RHBDD1: variants seen among roughly 807,000 people sequenced by gnomAD.
RHBDD1 encodes the protein rhomboid-related protein 4.
Under a neutral mutation model 36.3 loss-of-function variants are expected in RHBDD1, and 38 were observed. That is an observed-to-expected ratio of 1.05 (90% CI 0.81 to 1.37). The LOEUF (loss-of-function observed/expected upper bound fraction) is 1.37, where lower values mean the gene tolerates loss of function less well. RHBDD1 is among the 40% of genes most tolerant of loss of function. RHBDD1 has a pLI of 0.00. For synonymous variants in RHBDD1, 151 were observed against 136.5 expected, an observed-to-expected ratio of 1.11 and a Z score of -0.74; for missense variants, 393 against 377.6, an observed-to-expected ratio of 1.04 and a Z score of -0.34.
chr2:226,811,415 C>T, the RHBDD1 span, among the ~76,000 whole-genome samples: 1 of 152,226 alleles, frequency 6.6e-6, no homozygotes, highest in South Asian at 2.1e-4. Context: ...GATTCTAGCG[C>T]CTCAGCCTCC....
At chr2:226,965,196 G>A (rs1952529132) in intron 8 of RHBDD1, among the ~76,000 whole-genome samples, 1 of 152,194 alleles carries the variant, frequency 6.6e-6, no homozygotes, top group African/African-American at 2.4e-5. Context: ...AATGAGCCAT[G>A]TGAAGACAGA....
At chr2:226,988,229 G>A in intron 8 of RHBDD1, 1 of 1,039,530 alleles carries the variant, frequency 9.6e-7, no homozygotes, top group Non-Finnish European at 1.4e-6. Flanking sequence ...AGATCAAGAA[G>A]CAAGAGGTTG....
chr2:226,954,704 G>A (rs543179970), intron 8 of RHBDD1, among the ~76,000 whole-genome samples: 23 of 152,104 alleles, frequency 1.5e-4, no homozygotes, highest in Non-Finnish European at 2.8e-4. Flanking sequence ...AAATTTGGAG[G>A]CCATGCTATG....
At chr2:226,865,934 G>A (rs995643333) in intron 4 of RHBDD1, among the ~76,000 whole-genome samples, 3 of 152,180 alleles carry the variant, frequency 2.0e-5, no homozygotes, top group East Asian at 1.9e-4. Context: ...GGATGACTTC[G>A]TTAATAAATG....
chr2:226,808,870 A>G, the RHBDD1 span, among the ~76,000 whole-genome samples: 9 of 152,264 alleles, frequency 5.9e-5, no homozygotes, highest in South Asian at 1.2e-3. Context: ...TAGTGTCAAA[A>G]AAAAAAAAAC....
At chr2:226,947,947 G>A (rs931493707) in intron 8 of RHBDD1, among the ~76,000 whole-genome samples, 1 of 152,132 alleles carries the variant, frequency 6.6e-6, no homozygotes, top group Non-Finnish European at 1.5e-5. Context: ...GGAGAAATAG[G>A]AACACTTTTA....
chr2:226,989,624 G>C (rs955364946), intron 8 of RHBDD1, among the ~76,000 whole-genome samples: 1 of 152,112 alleles, frequency 6.6e-6, no homozygotes, highest in Admixed American at 6.5e-5. Context: ...TTTGGGAGGT[G>C]GGGGAATTCT....
At chr2:226,854,194 A>G (rs1289804702) in intron 3 of RHBDD1, among the ~76,000 whole-genome samples, 1 of 152,152 alleles carries the variant, frequency 6.6e-6, no homozygotes, top group Non-Finnish European at 1.5e-5. Flanking sequence ...GCATTATTCT[A>G]AGTGTTTTAC....
intron 5 of RHBDD1, among the ~76,000 whole-genome samples, chr2:226,874,294 A>T (rs1945033053): frequency 6.6e-6 from 1 of 152,194 alleles, no homozygotes; most frequent in African/African-American, 2.4e-5. Context: ...GGGACAAAGA[A>T]TGTGAGGCTA....
intron 8 of RHBDD1, among the ~76,000 whole-genome samples, chr2:226,935,638 T>TAC: frequency 6.6e-6 from 1 of 151,924 alleles, no homozygotes; most frequent in African/African-American, 2.4e-5. Context: ...AGTTTTATTT[T>TAC]TTTTTTTTAT....
At chr2:226,939,243 A>T (rs13405827) in intron 8 of RHBDD1, among the ~76,000 whole-genome samples, 1 of 152,072 alleles carries the variant, frequency 6.6e-6, no homozygotes, top group Non-Finnish European at 1.5e-5. Context: ...CTCTCTCACC[A>T]CTCCTATTCA....
At chr2:226,995,354 G>T (rs1356110498) in intron 8 of RHBDD1, 77 bp from the exon 9 acceptor site, 4 of 866,356 alleles carry the variant, frequency 4.6e-6, no homozygotes, top group Non-Finnish European at 7.7e-6. Context: ...CTATCACTTT[G>T]TTCCCTTGGA....
chr2:226,984,141 A>G (rs1956404038), intron 8 of RHBDD1, among the ~76,000 whole-genome samples: 1 of 152,236 alleles, frequency 6.6e-6, no homozygotes, highest in Non-Finnish European at 1.5e-5. Context: ...CGCTCTGATC[A>G]CTGGGGGTCT....
chr2:226,830,625 G>A (rs534687045), upstream of RHBDD1, among the ~76,000 whole-genome samples: 4 of 152,250 alleles, frequency 2.6e-5, no homozygotes, highest in South Asian at 6.2e-4. Context: ...CTGCTTCAGC[G>A]TCCTGAGTAG....
intron 8 of RHBDD1, among the ~76,000 whole-genome samples, chr2:226,995,192 A>G (rs1282348123): frequency 6.6e-6 from 1 of 152,212 alleles, no homozygotes; most frequent in Non-Finnish European, 1.5e-5. Context: ...AAGTGGGAAG[A>G]TTATCAAGAA....
At chr2:226,959,368 C>G (rs1952015190) in intron 8 of RHBDD1, among the ~76,000 whole-genome samples, 1 of 152,172 alleles carries the variant, frequency 6.6e-6, no homozygotes, top group African/African-American at 2.4e-5. Flanking sequence ...ATTAACATAG[C>G]CATCACACCC....
chr2:226,978,632 C>T (rs1006251347), intron 8 of RHBDD1, among the ~76,000 whole-genome samples: 1 of 152,240 alleles, frequency 6.6e-6, no homozygotes, highest in Non-Finnish European at 1.5e-5. Flanking sequence ...TAAACCCTCA[C>T]TGTCCTTGCC....
At chr2:226,970,332 CG>C (rs1398121110) in intron 8 of RHBDD1, among the ~76,000 whole-genome samples, 2 of 151,926 alleles carry the variant, frequency 1.3e-5, no homozygotes, top group Admixed American at 1.3e-4. Flanking sequence ...AAACAGAAGA[CG>C]GTGTCTGCTT....
chr2:226,908,818 T>A lies in RHBDD1; in HGVS notation c.656-4T>A. ...ATTAAAATGTTTATTTCTTTTACGT[T>A]TAGGCGGTTTTTCCTCCAGTGTTGG... is the stretch of plus-strand genomic sequence containing the variant. On this transcript the variant is annotated splice_region_variant and splice_polypyrimidine_tract_variant and intron_variant, in intron 6 of 8. Coordinates refer to ENST00000392062, the MANE Select transcript of RHBDD1 (RefSeq NM_001167608.3). The A allele has an allele frequency of 6.3e-7, 1 of 1,599,938 alleles. No individual in the cohort carries two copies.
Sources: gnomAD v4.1 joint callset for allele counts (sites outside exome capture counted in the v4.1 genomes callset) on GRCh38, gnomAD v4.1.1 for gene constraint, MANE v1.5 for transcripts, NCBI Gene and HGNC (gene_info 2026-07-23, HGNC 2026-07-21) for gene names.